The following SYTL3 variants were observed in gnomAD, a reference collection of about 807,000 sequenced individuals.
SYTL3 encodes the protein synaptotagmin like 3.
A neutral mutation model predicts 82.1 loss-of-function variants in SYTL3; 88 were observed. That is an observed-to-expected ratio of 1.07 (90% CI 0.90 to 1.28). The LOEUF (loss-of-function observed/expected upper bound fraction) is 1.28. SYTL3 is among the 50% of genes most tolerant of loss of function. The pLI, the probability that SYTL3 is intolerant of heterozygous loss-of-function variation, is 0.00. For synonymous variants in SYTL3, 311 were observed against 289.4 expected (o/e 1.07, Z -0.76); for missense variants, 831 against 757.6 (o/e 1.10, Z -1.14).
rs181401500 is a variant in SYTL3, at chr6:158,686,706, T to C, written c.394+3717T>C. Among the ~76,000 whole-genome samples the C allele has an allele frequency of 1.9e-4, 29 of 152,330 alleles. No individual in the cohort carries two copies. In the East Asian group the frequency reaches 5.4e-3, roughly 28 times the overall value. Reference sequence around the variant, plus strand: ...TAGGGAAATAGAAACTGTCTGGTTATTTGAATAAGAATTTACTTTAGGGAT... The same window carrying C: ...TAGGGAAATAGAAACTGTCTGGTTACTTGAATAAGAATTTACTTTAGGGAT... On this transcript the variant is annotated intron_variant, in intron 6 of 17. Transcript: ENST00000611299.
intron 11 of SYTL3, 84 bp downstream of exon 11, chr6:158,725,721 T>C (rs1007292316): frequency 1.3e-6 from 2 of 1,516,070 alleles, no homozygotes; most frequent in Non-Finnish European, 1.8e-6. Flanking sequence ...TTATTTCAAT[T>C]ACTCCTATTT....
rs201298707 is a variant in SYTL3 at position 158,746,451 on chromosome 6, TA to T, written c.1034+795del. Among the ~76,000 whole-genome samples, 149 of 87,082 alleles carry T rather than the reference TA, an allele frequency of 1.7e-3. 1 individual carries two copies. The highest frequency in any genetic ancestry group is 7.4e-3 in the African/African-American group (133 of 18,092). 57.1% of individuals were successfully genotyped at this position (87,082 alleles called of 152,430 possible). A position where few individuals can be genotyped will look rare whatever the true frequency, so the allele number is the denominator to read the frequency against. On this transcript the variant is annotated intron_variant, in intron 12 of 17. Transcript: ENST00000611299. ...AGGTGTAGCACCATTATAATAATAA[TA>T]ATAATAATATTATTATTATTATTAT... is the stretch of plus-strand genomic sequence containing the variant.
chr6:158,761,771 T>C (rs1790007521), intron 15 of SYTL3, among the ~76,000 whole-genome samples: 1 of 152,190 alleles, frequency 6.6e-6, no homozygotes, highest in Non-Finnish European at 1.5e-5. Context: ...TCCCCCAAAC[T>C]TCTGGCTACA....
At chr6:158,691,574 C>T (rs1219148420) in intron 6 of SYTL3, among the ~76,000 whole-genome samples, 1 of 151,818 alleles carries the variant, frequency 6.6e-6, no homozygotes, top group African/African-American at 2.4e-5. Context: ...TACTTTTTTT[C>T]TTTTTTTTAA....
At chr6:158,763,282 A>T (rs755670327) in intron 16 of SYTL3, 22 bp from the exon 17 acceptor site, 8 of 1,612,258 alleles carry the variant, frequency 5.0e-6, no homozygotes, top group Non-Finnish European at 6.8e-6. Context: ...CAATGATTGC[A>T]GGGTTTGTGT....
rs1249824693 is a variant in SYTL3, at chr6:158,673,214, C to T, written c.329+7601C>T. On this transcript the variant is annotated intron_variant, in intron 5 of 17. Transcript: ENST00000611299. ...AAGTGCTAGGATTGCAGGTGTGAGC[C>T]ACCATGCCCAGTTATTTTTTTTTTC... Among the ~76,000 whole-genome samples, 4 of 152,146 alleles carry T rather than the reference C, an allele frequency of 2.6e-5. 1 individual carries two copies. The highest frequency in any genetic ancestry group is 9.7e-5 in the African/African-American group (4 of 41,420).
chr6:158,680,854 G>A (rs1778607957), intron 5 of SYTL3, among the ~76,000 whole-genome samples: 1 of 146,626 alleles, frequency 6.8e-6, no homozygotes, highest in African/African-American at 2.6e-5. Context: ...AAATAGTAGT[G>A]TCTAACCAGA....
Position 158,745,598 on chromosome 6 carries a change from T to C in SYTL3, c.974T>C (p.Ile325Thr), listed in dbSNP as rs767780366. 3.1e-6 allele frequency: 5 copies of C among 1,613,656 alleles called. No homozygotes were observed. In the African/African-American group the frequency reaches 5.3e-5, roughly 17 times the overall value. The change falls in exon 12 of 18, where the codon ATA (isoleucine) becomes ACA (threonine). Residue 325 changes from isoleucine to threonine, a missense_variant. Transcript: ENST00000611299. Reference sequence around the variant, plus strand: ...TGCTTCAAAACCCATTCTTTAGAAATATGCATCAAGGCCTGTAAGAACCTT... The same window carrying C: ...TGCTTCAAAACCCATTCTTTAGAAACATGCATCAAGGCCTGTAAGAACCTT... Reference protein sequence around the residue: ...HYCFKTHSLEICIKACKNLAY... With the variant: ...HYCFKTHSLETCIKACKNLAY...
chr6:158,703,825 T>TATTATTATTATC (rs1491454900), intron 6 of SYTL3, among the ~76,000 whole-genome samples: 3 of 71,442 alleles, frequency 4.2e-5, no homozygotes, highest in African/African-American at 1.2e-4. Flanking sequence ...TTATTATCAT[T>TATTATTATTATC]ATTATTATTA....
chr6:158,754,298 G>T (rs568945345), intron 13 of SYTL3, among the ~76,000 whole-genome samples: 2 of 152,258 alleles, frequency 1.3e-5, no homozygotes, highest in South Asian at 4.1e-4. Context: ...AGGATGAAGT[G>T]ATCTCACTGG....
chr6:158,752,168 C>T (rs1788483236), intron 13 of SYTL3, 138 bp downstream of exon 13: 1 of 500,568 alleles, frequency 2.0e-6, no homozygotes, highest in East Asian at 3.5e-5. Context: ...TTCTTCGCAG[C>T]TCTGTCAATC....
chr6:158,649,852 G>T (rs544071167), upstream of SYTL3, among the ~76,000 whole-genome samples: 2 of 152,144 alleles, frequency 1.3e-5, no homozygotes, highest in Non-Finnish European at 2.9e-5. Flanking sequence ...GTAAAATGTT[G>T]GCATAGAAGA....
intron 11 of SYTL3, among the ~76,000 whole-genome samples, chr6:158,740,841 A>T (rs117183113): frequency 6.6e-6 from 1 of 152,194 alleles, no homozygotes; most frequent in Non-Finnish European, 1.5e-5. Flanking sequence ...ATCCATTACA[A>T]TCAACACATT....
At chr6:158,666,536 A>G (rs1179698799) in intron 5 of SYTL3, among the ~76,000 whole-genome samples, 1 of 152,142 alleles carries the variant, frequency 6.6e-6, no homozygotes, top group East Asian at 1.9e-4. Flanking sequence ...GCTGGGGGAG[A>G]CGGTGCACAA....
chr6:158,691,924 TAC>T (rs1377458122), intron 6 of SYTL3, among the ~76,000 whole-genome samples: 4 of 148,882 alleles, frequency 2.7e-5, no homozygotes, highest in African/African-American at 9.9e-5. Flanking sequence ...GTGCTGGGAT[TAC>T]AGGCGTGAGC....
intron 6 of SYTL3, among the ~76,000 whole-genome samples, chr6:158,700,807 G>A (rs367760447): frequency 2.0e-4 from 30 of 152,192 alleles, no homozygotes; most frequent in Middle Eastern, 3.4e-3. Flanking sequence ...TAGTAGAGAC[G>A]GGGTTTCACT....
chr6:158,697,786 C>T (rs769784378), intron 6 of SYTL3, among the ~76,000 whole-genome samples: 1 of 152,142 alleles, frequency 6.6e-6, no homozygotes, highest in South Asian at 2.1e-4. Context: ...CAGTCACCCT[C>T]GGCCTTGAGT....
At chr6:158,666,066 C>T (rs551334416) in intron 5 of SYTL3, among the ~76,000 whole-genome samples, 2 of 152,290 alleles carry the variant, frequency 1.3e-5, no homozygotes, top group South Asian at 4.2e-4. Flanking sequence ...TGCACTCCAG[C>T]CTGGGCAACA....
intron 11 of SYTL3, among the ~76,000 whole-genome samples, chr6:158,733,529 G>A (rs1785697387): frequency 6.6e-6 from 1 of 151,834 alleles, no homozygotes; most frequent in Admixed American, 6.6e-5. Flanking sequence ...GGGTTTCACT[G>A]TGTTAGCCAG....
Sources: allele counts gnomAD v4.1 joint callset (sites outside exome capture counted in the v4.1 genomes callset), GRCh38; gene constraint gnomAD v4.1.1; transcripts MANE v1.5; gene names NCBI Gene and HGNC (gene_info 2026-07-23, HGNC 2026-07-21).